The following ASTN2 variants were observed in gnomAD, a reference collection of about 807,000 sequenced individuals.
ASTN2 encodes the protein astrotactin-2.
ASTN2 carries 54 observed loss-of-function variants against 139.8 expected under a neutral mutation model. The ratio of observed to expected loss-of-function variants is 0.39; its 90% confidence interval spans 0.31 to 0.48. ASTN2 has a LOEUF of 0.48. ASTN2 is among the 20% of genes least tolerant of loss of function. ASTN2 has a pLI of 0.95. For missense variants in ASTN2, 1,565 were observed against 1,725.1 expected (o/e 0.91, Z 1.64); for synonymous variants, 756 against 719.5 (o/e 1.05, Z -0.81).
chr9:116,625,567 A>C, intron 17 of ASTN2, among the ~76,000 whole-genome samples: 1 of 152,066 alleles, frequency 6.6e-6, no homozygotes, highest in Admixed American at 6.5e-5. Context: ...GTCCTCTCAC[A>C]GCTTTCTAAA....
chr9:117,229,372 T>G (rs1399331555), intron 2 of ASTN2, among the ~76,000 whole-genome samples: 1 of 152,198 alleles, frequency 6.6e-6, no homozygotes, highest in East Asian at 1.9e-4. Flanking sequence ...TCCCTCGGGT[T>G]GTACATCTAT....
At chr9:116,733,235 T>C (rs1828834984) in intron 14 of ASTN2, among the ~76,000 whole-genome samples, 164 bp downstream of exon 14, 1 of 152,198 alleles carries the variant, frequency 6.6e-6, no homozygotes, top group South Asian at 2.1e-4. Flanking sequence ...GCTCAGCCAA[T>C]AGCAGGAGCC....
chr9:116,513,614 C>T (rs1850504434), intron 19 of ASTN2, among the ~76,000 whole-genome samples: 1 of 152,212 alleles, frequency 6.6e-6, no homozygotes, highest in Non-Finnish European at 1.5e-5. Context: ...TGGTTCCATT[C>T]TCCCTGTCAC....
chr9:117,330,806 A>G (rs1828683989), intron 1 of ASTN2, among the ~76,000 whole-genome samples: 2 of 152,226 alleles, frequency 1.3e-5, no homozygotes, highest in East Asian at 3.9e-4. Context: ...CTAAAGGGAT[A>G]TAAATGGAAG....
chr9:116,750,117 G>A (rs367754431), intron 13 of ASTN2, among the ~76,000 whole-genome samples: 55 of 152,028 alleles, frequency 3.6e-4, no homozygotes, highest in African/African-American at 1.1e-3. Flanking sequence ...TATCCAATTC[G>A]AAAATGTTTG....
intron 10 of ASTN2, among the ~76,000 whole-genome samples, chr9:116,929,160 C>T (rs1834834143): frequency 2.0e-5 from 3 of 152,298 alleles, no homozygotes; most frequent in South Asian, 4.1e-4. Flanking sequence ...AGGCTGTGTG[C>T]AGATGTGCTG....
intron 11 of ASTN2, among the ~76,000 whole-genome samples, chr9:116,854,363 A>G (rs1420137364): frequency 1.3e-5 from 2 of 152,210 alleles, no homozygotes; most frequent in African/African-American, 4.8e-5. Flanking sequence ...TTTGGCAGGC[A>G]TAAGTAGTAT....
intron 19 of ASTN2, chr9:116,584,139 C>G (rs1854058505): frequency 6.6e-6 from 1 of 152,194 alleles, no homozygotes; most frequent in African/African-American, 2.4e-5. Context: ...AAGTCTCACT[C>G]AGGAAGAAGC....
chr9:116,486,684 G>A (rs1024089122), intron 20 of ASTN2, among the ~76,000 whole-genome samples: 2 of 152,074 alleles, frequency 1.3e-5, no homozygotes, highest in African/African-American at 4.8e-5. Flanking sequence ...AGCTTATGAT[G>A]GTTGCATCTA....
At chr9:116,763,633 C>A (rs929715823) in intron 13 of ASTN2, among the ~76,000 whole-genome samples, 19 of 152,116 alleles carry the variant, frequency 1.2e-4, no homozygotes, top group Non-Finnish European at 4.4e-5. Flanking sequence ...CATCCTAACT[C>A]CCACAATGAT....
intron 16 of ASTN2, among the ~76,000 whole-genome samples, chr9:116,686,235 T>C (rs1042207413): frequency 2.0e-5 from 3 of 152,190 alleles, no homozygotes; most frequent in African/African-American, 4.8e-5. Context: ...TAGGTATATG[T>C]GGCCTTGTGT....
chr9:117,338,898 G>A (rs1828977424), intron 1 of ASTN2, among the ~76,000 whole-genome samples: 1 of 152,084 alleles, frequency 6.6e-6, no homozygotes, highest in Non-Finnish European at 1.5e-5. Context: ...AGACCTCACA[G>A]CTGTGTGCGT....
intron 1 of ASTN2, among the ~76,000 whole-genome samples, chr9:117,384,554 T>C (rs1347619202): frequency 2.6e-5 from 4 of 152,212 alleles, no homozygotes; most frequent in Non-Finnish European, 4.4e-5. Context: ...AATGTTCTTT[T>C]AATCCAACCT....
intron 10 of ASTN2, among the ~76,000 whole-genome samples, chr9:116,882,083 A>ATCCATCCATCCT (rs1337371598): frequency 6.6e-6 from 1 of 152,016 alleles, no homozygotes; most frequent in Non-Finnish European, 1.5e-5. Flanking sequence ...CCATCCATCC[A>ATCCATCCATCCT]CCCATCCATT....
intron 19 of ASTN2, among the ~76,000 whole-genome samples, chr9:116,577,625 G>C (rs1853775508): frequency 6.6e-6 from 1 of 152,164 alleles, no homozygotes; most frequent in Non-Finnish European, 1.5e-5. Context: ...GAGTTGAGTT[G>C]AAGAGAACAA....
At chr9:117,335,781 G>GA (rs536894920) in intron 1 of ASTN2, among the ~76,000 whole-genome samples, 2 of 149,216 alleles carry the variant, frequency 1.3e-5, no homozygotes, top group Non-Finnish European at 1.5e-5. Flanking sequence ...AGAGCAAGAA[G>GA]AAAAAAAAAG....
intron 19 of ASTN2, among the ~76,000 whole-genome samples, chr9:116,587,346 TAA>T (rs1373615741): frequency 1.6e-5 from 2 of 126,216 alleles, no homozygotes; most frequent in Admixed American, 7.9e-5. Context: ...ATCTCAAATT[TAA>T]AAAAAAAAAA....
chr9:116,839,371 A>C (rs1832120825), intron 11 of ASTN2, among the ~76,000 whole-genome samples: 1 of 152,080 alleles, frequency 6.6e-6, no homozygotes, highest in African/African-American at 2.4e-5. Context: ...TATAATCTAC[A>C]TATCATAAAA....
Position 117,103,304 on chromosome 9 carries a change from C to G in ASTN2, c.1169-7153G>C, listed in dbSNP as rs534714318. Reference sequence around the variant, plus strand: ...CATACCATTCTAGGGCTTAGCAAAGCCTTCTACATGAGAATTCTTACCTCA... The same window carrying G: ...CATACCATTCTAGGGCTTAGCAAAGGCTTCTACATGAGAATTCTTACCTCA... On this transcript the variant is annotated intron_variant, in intron 4 of 22. Transcript: ENST00000313400. 5.3e-5 allele frequency among the ~76,000 whole-genome samples: 8 copies of G among 152,216 alleles called. No individual in the cohort carries two copies. The South Asian group carries it at 1.7e-3, about 32-fold the overall frequency.
Sources: allele counts gnomAD v4.1 joint callset (sites outside exome capture counted in the v4.1 genomes callset), GRCh38; gene constraint gnomAD v4.1.1; transcripts MANE v1.5; gene names NCBI Gene and HGNC (gene_info 2026-07-23, HGNC 2026-07-21).